Variants in CAD observed in about 807,000 individuals in gnomAD.
CAD encodes the protein multifunctional protein CAD.
In CAD, 81 loss-of-function variants were observed where a neutral mutation model predicts 237.2. The observed-to-expected ratio is 0.34, with a 90% CI of 0.29 to 0.41. The LOEUF (loss-of-function observed/expected upper bound fraction) is 0.41, where lower values mean the gene tolerates loss of function less well. CAD is among the 10% of genes least tolerant of loss of function. The pLI is 1.00. For synonymous variants in CAD, 1,196 were observed against 1,162.8 expected (o/e 1.03, Z -0.58); for missense variants, 2,181 against 2,951.7 (o/e 0.74, Z 6.05).
In CAD at chr2:27,241,003, G is replaced by T; in HGVS notation, c.5638+48G>T. ...ACTCACCTCGGGGACCTCTGATCTG[G>T]CCTTGGTAGGAGGAACCCTCTGACC... On this transcript the variant is annotated intron_variant, in intron 36 of 43. Transcript: ENST00000264705. The surrounding 1 kb of genome is among the most constrained non-coding windows in gnomAD (Gnocchi z 4.6). The T allele has an allele frequency of 6.2e-7, 1 of 1,613,982 alleles. No homozygotes were observed.
At position 27,238,180 on chromosome 2, in the gene CAD, AGGAGGAG is replaced by A; in HGVS notation, c.4855_4860+1del. 1 of 1,614,018 alleles carries A rather than the reference AGGAGGAG, an allele frequency of 6.2e-7. No individual in the cohort carries two copies. The highest frequency in any genetic ancestry group is 8.5e-7 in the Non-Finnish European group (1 of 1,180,010). ...GTGCACATATGTCACGTGGCACGGA[AGGAGGAG>A]GTAAGAGTACACCTGAGATCCTGCT... On this transcript the variant is annotated frameshift_variant and splice_region_variant, in exon 30 of 44. Coordinates refer to ENST00000264705, the MANE Select transcript of CAD (RefSeq NM_004341.5). LOFTEE classifies it high-confidence loss of function.
rs771922043 is a variant in CAD, at chr2:27,233,397, C to T, written c.3077C>T (p.Ala1026Val). ...GGQLPNNMAM[A>V]LHRQQCRVLG... ...CAGCTGCCCAACAACATGGCCATGG[C>T]GTTGCATCGGCAGCAGTGCCGGGTG... Residue 1026 changes from alanine (A) to valine (V), a missense_variant, in exon 20 of 44, where the codon GCG becomes GTG. By Grantham distance (64) the Ala-to-Val change is moderately conservative (BLOSUM62 0). Around this residue, in one of 12 missense-constraint regions of CAD, gnomAD observed 306 missense variants for 607.9 expected, o/e 0.50. Transcript: ENST00000264705. This position sits in a 1 kb window ranked among gnomAD's most constrained non-coding sequence, Gnocchi z 6.3. 4 of 1,614,220 alleles carry T rather than the reference C, an allele frequency of 2.5e-6. No homozygotes were observed. The highest frequency in any genetic ancestry group is 3.4e-6 in the Non-Finnish European group (4 of 1,180,018).
rs1484789885 is a variant in CAD, at chr2:27,236,921, T to C, written c.4396+91T>C. On this transcript the variant is annotated intron_variant, in intron 27 of 43. Transcript: ENST00000264705. This position sits in a 1 kb window ranked among gnomAD's most constrained non-coding sequence, Gnocchi z 4.1. ...GGTGAAGGATGGCTGGGGGGCCCAC[T>C]CTTTGTCCTGGACTGCACAGACTGT... 2 of 1,046,764 alleles carry C rather than the reference T, an allele frequency of 1.9e-6. No individual in the cohort carries two copies. The highest frequency in any genetic ancestry group is 3.0e-6 in the Non-Finnish European group (2 of 663,756). 64.8% of individuals were successfully genotyped at this position (1,046,764 alleles called of 1,614,324 possible).
At position 27,241,876 on chromosome 2, in the gene CAD, G is replaced by A. The variant is rs776271087; in HGVS notation, c.5884-35G>A. 20 of 1,559,032 alleles carry A rather than the reference G, an allele frequency of 1.3e-5. No homozygotes were observed. The highest frequency in any genetic ancestry group is 1.0e-4 in the South Asian group (9 of 89,374). ...GCTGGGGTTTCCCCAGGGTGGACACGCATACGTACACCTTCCATCTTGCTC... is the reference window on the plus strand; with the variant it reads ...GCTGGGGTTTCCCCAGGGTGGACACACATACGTACACCTTCCATCTTGCTC... On this transcript the variant is annotated intron_variant, in intron 38 of 43. Coordinates refer to ENST00000264705, the MANE Select transcript of CAD (RefSeq NM_004341.5). This position sits in a 1 kb window ranked among gnomAD's most constrained non-coding sequence, Gnocchi z 4.6.
Position 27,240,871 on chromosome 2 carries a change from C to T in CAD, c.5594-40C>T, listed in dbSNP as rs1676283004. ...GAATATGGGGTTTCTTTCCAAACCT[C>T]AGCCATAAATGTATATCTGTCCTCT... On this transcript the variant is annotated intron_variant, in intron 35 of 43. Transcript: ENST00000264705. This position sits in a 1 kb window ranked among gnomAD's most constrained non-coding sequence, Gnocchi z 4.6. The T allele has an allele frequency of 1.2e-6, 2 of 1,608,790 alleles. No individual in the cohort carries two copies. The highest frequency in any genetic ancestry group is 8.5e-7 in the Non-Finnish European group (1 of 1,175,306).
Position 27,232,438 on chromosome 2 carries a change from T to A in CAD, c.2646-10T>A, listed in dbSNP as rs1357464213. On this transcript the variant is annotated splice_polypyrimidine_tract_variant and intron_variant, in intron 17 of 43. Coordinates refer to ENST00000264705, the MANE Select transcript of CAD (RefSeq NM_004341.5). This position sits in a 1 kb window ranked among gnomAD's most constrained non-coding sequence, Gnocchi z 4.1. ...CTGGGCCTGTGTTTCAGACCCTTTT[T>A]CTATTTTAGCACAGAGCTGGCTGTT... The A allele has an allele frequency of 6.2e-7, 1 of 1,614,118 alleles. No homozygotes were observed.
In CAD at chr2:27,240,393, G is replaced by C. The variant is rs1676257523; in HGVS notation, c.5593+32G>C. ...GTGGGGTTCCTGTGACTCAGAGACT[G>C]TGTAGGGACAGGATCCACTTCTTCC... On this transcript the variant is annotated intron_variant, in intron 35 of 43. Transcript: ENST00000264705. This position sits in a 1 kb window ranked among gnomAD's most constrained non-coding sequence, Gnocchi z 4.6. The C allele has an allele frequency of 6.3e-7, 1 of 1,590,622 alleles. No homozygotes were observed. The highest frequency in any genetic ancestry group is 1.3e-5 in the African/African-American group (1 of 74,536).
intron 2 of CAD, among the ~76,000 whole-genome samples, chr2:27,220,176 T>C (rs558180058): frequency 2.6e-5 from 4 of 152,328 alleles, no homozygotes; most frequent in African/African-American, 9.6e-5. Flanking sequence ...TGACACCATG[T>C]GCCTTGCTCT....
chr2:27,218,688 C>G (rs979538671), intron 2 of CAD, among the ~76,000 whole-genome samples: 1 of 152,098 alleles, frequency 6.6e-6, no homozygotes, highest in Non-Finnish European at 1.5e-5. Context: ...TTTCTTCCTA[C>G]AGTGAGGTTT....
chr2:27,241,146 G>A lies in CAD; in HGVS notation c.5727G>A (p.Leu1909=), dbSNP rs376383154. The change falls in exon 37 of 44, where the codon TTG becomes TTA. Residue 1909 remains leucine (L), a synonymous_variant. Coordinates refer to ENST00000264705, the MANE Select transcript of CAD (RefSeq NM_004341.5). The surrounding 1 kb of genome is among the most constrained non-coding windows in gnomAD (Gnocchi z 4.6). ...ASPQNLGTPG[L]LHPQTSPLLH... Reference sequence around the variant, plus strand: ...CCCAGAACCTGGGGACCCCTGGCTTGCTGCACCCCCAGACCTCACCCCTGC... The same window carrying A: ...CCCAGAACCTGGGGACCCCTGGCTTACTGCACCCCCAGACCTCACCCCTGC... 29 of 1,612,538 alleles carry A rather than the reference G, an allele frequency of 1.8e-5. No homozygotes were observed. Among genetic ancestry groups the A allele is most frequent in the Non-Finnish European group, 2.2e-5 (26 of 1,179,402 alleles).
rs778671248 is a variant in CAD at position 27,243,525 on chromosome 2, G to A, written c.*7G>A. 2.5e-6 allele frequency: 4 copies of A among 1,577,182 alleles called. No individual in the cohort carries two copies. The South Asian group carries it at 3.5e-5, about 14-fold the overall frequency. On this transcript the variant is annotated 3_prime_UTR_variant, in exon 44 of 44. Coordinates refer to ENST00000264705, the MANE Select transcript of CAD (RefSeq NM_004341.5). ...CGTGCTGGGCCGTTTCTAGGGCCTG[G>A]CTTCCTCAGCCTCTTCTCTTTAGGC...
chr2:27,222,394 C>T (rs1392260473), intron 4 of CAD, 58 bp downstream of exon 4: 2 of 1,585,758 alleles, frequency 1.3e-6, no homozygotes, highest in Admixed American at 1.7e-5. Flanking sequence ...ATATTCTGCC[C>T]ACAATTGGGG....
Position 27,237,339 on chromosome 2 carries a change from T to A in CAD, c.4397-40T>A. 6.2e-7 allele frequency: 1 copy of A among 1,606,634 alleles called. No homozygotes were observed. Among genetic ancestry groups the A allele is most frequent in the Non-Finnish European group, 8.5e-7 (1 of 1,174,216 alleles). ...ATGTCCAGCTCACCCTTCCTATTTC[T>A]GAATCTTCCTGTAATCTTGCTGCTT... On this transcript the variant is annotated intron_variant, in intron 27 of 43. Transcript: ENST00000264705. The surrounding 1 kb of genome is among the most constrained non-coding windows in gnomAD (Gnocchi z 4.0).
intron 2 of CAD, among the ~76,000 whole-genome samples, chr2:27,218,904 A>C (rs926339244): frequency 6.6e-6 from 1 of 152,154 alleles, no homozygotes; most frequent in South Asian, 2.1e-4. Flanking sequence ...CGCTGGGGAG[A>C]GTGAGCTCCG....
intron 3 of CAD, among the ~76,000 whole-genome samples, chr2:27,221,753 ATTTTTTTTTTTTTTT>A (rs57429918): frequency 9.7e-6 from 1 of 103,494 alleles, no homozygotes; most frequent in Non-Finnish European, 1.8e-5. Context: ...AAATTTCCCA[ATTTTTTTTTTTTTTT>A]TTTTTTTTTT....
rs374445982 is a variant in CAD at position 27,242,763 on chromosome 2, C to T, written c.6366C>T (p.Arg2122=). The part of the protein sequence containing the change: ...PPTVRAFVAS[R]GTKQEEFESI... ...CTGTGCGGGCCTTCGTGGCCTCCCG[C>T]GGCACCAAGCAGGTGAGACCCTCAC... Residue 2122 remains arginine, a synonymous_variant, in exon 41 of 44, where the codon CGC becomes CGT. Transcript: ENST00000264705. This position sits in a 1 kb window ranked among gnomAD's most constrained non-coding sequence, Gnocchi z 6.4. 21 of 1,614,052 alleles carry T rather than the reference C, an allele frequency of 1.3e-5. No homozygotes were observed. The highest frequency in any genetic ancestry group is 2.7e-5 in the African/African-American group (2 of 74,932).
At position 27,232,235 on chromosome 2, in the gene CAD, G is replaced by A; in HGVS notation, c.2645+11G>A. ...CCTTGCAGTTCTGAGGTCAGAGGTG[G>A]CAATGAGAGCTTCCGGCTGGGAAAT... On this transcript the variant is annotated intron_variant, in intron 17 of 43. Transcript: ENST00000264705. This position sits in a 1 kb window ranked among gnomAD's most constrained non-coding sequence, Gnocchi z 4.1. The A allele has an allele frequency of 3.7e-6, 6 of 1,612,874 alleles. No homozygotes were observed. The highest frequency in any genetic ancestry group is 5.1e-6 in the Non-Finnish European group (6 of 1,179,508).
Position 27,223,041 on chromosome 2 carries a change from G to C in CAD, c.809+4G>C. The C allele has an allele frequency of 6.2e-7, 1 of 1,614,048 alleles. No homozygotes were observed. The highest frequency in any genetic ancestry group is 8.5e-7 in the Non-Finnish European group (1 of 1,179,942). ...GGGCCAAGACTTACAAGATGAGGTG[G>C]GACTTGTGGGGAGCAGAAGGGGCCC... On this transcript the variant is annotated splice_donor_region_variant and intron_variant, in intron 6 of 43. Transcript: ENST00000264705.
chr2:27,234,510 T>C lies in CAD; in HGVS notation c.3619-8T>C. On this transcript the variant is annotated splice_region_variant and splice_polypyrimidine_tract_variant and intron_variant, in intron 22 of 43. Transcript: ENST00000264705. ...TGCAGAAGGCCTGACCAGTCTTCTC[T>C]GCCCCAGGATGACCAGCTGAAAGTT... is the stretch of plus-strand genomic sequence containing the variant. 6.2e-7 allele frequency: 1 copy of C among 1,613,250 alleles called. No homozygotes were observed. Among genetic ancestry groups the C allele is most frequent in the Non-Finnish European group, 8.5e-7 (1 of 1,179,484 alleles).
Sources: gnomAD v4.1 joint callset for allele counts (sites outside exome capture counted in the v4.1 genomes callset) on GRCh38, gnomAD v4.1.1 for gene constraint, gnomAD v4.1.1 regional missense constraint, Gnocchi (gnomAD v3.1) non-coding constraint, MANE v1.5 for transcripts, NCBI Gene and HGNC (gene_info 2026-07-23, HGNC 2026-07-21) for gene names.